The following TTLL5 variants were observed in gnomAD, a reference collection of about 807,000 sequenced individuals.
The protein encoded by TTLL5 is tubulin polyglutamylase TTLL5.
Under a neutral mutation model 168.4 loss-of-function variants are expected in TTLL5, and 132 were observed. The observed-to-expected ratio is 0.78, with a 90% CI of 0.68 to 0.91. The LOEUF (loss-of-function observed/expected upper bound fraction) is 0.91. Among genes scored for constraint, TTLL5 ranks in the 40% least tolerant of loss-of-function variants. The pLI is 0.00. For missense variants in TTLL5, 1,545 were observed against 1,581.5 expected, an observed-to-expected ratio of 0.98 and a Z score of 0.39; for synonymous variants, 546 against 558.6, an observed-to-expected ratio of 0.98 and a Z score of 0.32.
intron 28 of TTLL5, among the ~76,000 whole-genome samples, chr14:75,855,809 CACAT>C (rs1162465979): frequency 6.6e-6 from 1 of 152,216 alleles, no homozygotes; most frequent in Non-Finnish European, 1.5e-5. Flanking sequence ...CTACTTAAAA[CACAT>C]ACACACACAT....
At chr14:75,785,277 T>G (rs1405076001) in intron 26 of TTLL5, among the ~76,000 whole-genome samples, 2 of 151,388 alleles carry the variant, frequency 1.3e-5, no homozygotes, top group Non-Finnish European at 2.9e-5. Context: ...ACCTCCAGGT[T>G]CAAGCGATTC....
chr14:75,885,994 C>T (rs1430058126), intron 30 of TTLL5, among the ~76,000 whole-genome samples: 2 of 152,178 alleles, frequency 1.3e-5, no homozygotes, highest in Non-Finnish European at 2.9e-5. Flanking sequence ...GTGGCCTTTA[C>T]TCCGGCTCAG....
At chr14:75,850,484 G>A (rs1189389777) in intron 28 of TTLL5, among the ~76,000 whole-genome samples, 18 of 146,558 alleles carry the variant, frequency 1.2e-4, no homozygotes, top group Admixed American at 1.2e-3. Flanking sequence ...TGAGAATTAA[G>A]TTTCTGGGAC....
At chr14:75,848,209 G>A (rs1896659426) in intron 28 of TTLL5, among the ~76,000 whole-genome samples, 1 of 152,048 alleles carries the variant, frequency 6.6e-6, no homozygotes, top group Non-Finnish European at 1.5e-5. Flanking sequence ...CTGGGGAAAA[G>A]AGAAGTGAAG....
At chr14:75,814,008 A>G (rs1027720951) in intron 27 of TTLL5, among the ~76,000 whole-genome samples, 1 of 152,190 alleles carries the variant, frequency 6.6e-6, no homozygotes, top group Non-Finnish European at 1.5e-5. Flanking sequence ...ATATCCTAAT[A>G]TAGGTTGAGT....
Position 75,902,231 on chromosome 14 carries a change from G to A in TTLL5, c.3823+7G>A, listed in dbSNP as rs1227669490. 1.9e-6 allele frequency: 3 copies of A among 1,613,836 alleles called. No homozygotes were observed. Among genetic ancestry groups the A allele is most frequent in the Admixed American group, 1.7e-5 (1 of 59,998 alleles). ...CCCATCACCAGCTCTACAGGTTAGTGGGCACCAGCTCTTCTGCAACTGGAT... is the reference window on the plus strand; with the variant it reads ...CCCATCACCAGCTCTACAGGTTAGTAGGCACCAGCTCTTCTGCAACTGGAT... On this transcript the variant is annotated splice_region_variant and intron_variant, in intron 31 of 31. Transcript: ENST00000298832.
chr14:75,870,263 C>CT (rs60865248), intron 29 of TTLL5, among the ~76,000 whole-genome samples: 119,404 of 140,768 alleles, frequency 0.85, 50,551 homozygotes, highest in East Asian at 0.9. Flanking sequence ...TTACCTCAAT[C>CT]TTTTTTTTTT....
At chr14:75,895,106 A>G (rs1344280945) in intron 30 of TTLL5, among the ~76,000 whole-genome samples, 1 of 152,210 alleles carries the variant, frequency 6.6e-6, no homozygotes, top group African/African-American at 2.4e-5. Context: ...AATAGAAAAT[A>G]CATTTTAGGG....
chr14:75,939,800 A>G (rs1435413144), intron 31 of TTLL5, among the ~76,000 whole-genome samples: 1 of 152,208 alleles, frequency 6.6e-6, no homozygotes, highest in African/African-American at 2.4e-5. Flanking sequence ...TGCATCTGCT[A>G]CAGGAGGAAT....
rs182669585 is a variant in TTLL5 at position 75,922,760 on chromosome 14, G to T, written c.3823+20536G>T. On this transcript the variant is annotated intron_variant, in intron 31 of 31. Transcript: ENST00000298832. ...TGGCGTCATAAAATGAGTTAGGGAGGTTTCCCTGTTTTTCTATTGACTGGA... is the reference window on the plus strand; with the variant it reads ...TGGCGTCATAAAATGAGTTAGGGAGTTTTCCCTGTTTTTCTATTGACTGGA... 1.1e-3 allele frequency among the ~76,000 whole-genome samples: 164 copies of T among 152,266 alleles called. 1 individual carries two copies. The South Asian group carries it at 0.012, about 12-fold the overall frequency.
chr14:75,687,039 T>C (rs185112726), intron 5 of TTLL5, among the ~76,000 whole-genome samples: 171 of 152,344 alleles, frequency 1.1e-3, no homozygotes, highest in Non-Finnish European at 2.0e-3. Flanking sequence ...AGTCAAACTT[T>C]TTTGTTGTTG....
At position 75,919,197 on chromosome 14, in the gene TTLL5, CAAAAAAAAAAA is replaced by C. The variant is rs10655974; in HGVS notation, c.3823+16987_3823+16997del. On this transcript the variant is annotated intron_variant, in intron 31 of 31. Coordinates refer to ENST00000298832, the MANE Select transcript of TTLL5 (RefSeq NM_015072.5). ...GCCTGGCTCCAGAGCAAGACCGTCT[CAAAAAAAAAAA>C]AAAAAAAAAAAAAGGAAAAAGAAAA... 2.0e-3 allele frequency among the ~76,000 whole-genome samples: 110 copies of C among 56,114 alleles called. 2 individuals carry two copies. The highest frequency in any genetic ancestry group is 2.6e-3 in the Non-Finnish European group (85 of 32,536). The allele number at this position is 56,114 out of a possible 152,430, so 36.8% of individuals were successfully genotyped here. A position where few individuals can be genotyped will look rare whatever the true frequency, so the allele number is the denominator to read the frequency against.
At chr14:75,898,116 A>G (rs947755218) in intron 30 of TTLL5, among the ~76,000 whole-genome samples, 8 of 152,230 alleles carry the variant, frequency 5.3e-5, no homozygotes, top group Non-Finnish European at 4.4e-5. Context: ...ATTCTGGTGT[A>G]CTATGACCAG....
chr14:75,693,275 G>A (rs1042093666), intron 6 of TTLL5, among the ~76,000 whole-genome samples: 1 of 152,192 alleles, frequency 6.6e-6, no homozygotes, highest in Non-Finnish European at 1.5e-5. Flanking sequence ...CTAGGGATGG[G>A]TGGGTGTCTA....
intron 3 of TTLL5, among the ~76,000 whole-genome samples, chr14:75,677,319 C>T (rs1884238901): frequency 6.7e-6 from 1 of 150,220 alleles, no homozygotes; most frequent in African/African-American, 2.4e-5. Context: ...TTGAAGGCTA[C>T]AGGGAGGAAG....
At chr14:75,904,314 C>T (rs2033057113) in intron 31 of TTLL5, 1 of 962,090 alleles carries the variant, frequency 1.0e-6, no homozygotes, top group Non-Finnish European at 1.3e-6. Context: ...AGTAATGGCA[C>T]AAGGGAATCA....
chr14:75,913,503 C>T (rs1595256734), intron 31 of TTLL5, among the ~76,000 whole-genome samples: 1 of 152,088 alleles, frequency 6.6e-6, no homozygotes, highest in Non-Finnish European at 1.5e-5. Flanking sequence ...TCCAAGTGGA[C>T]TCTAAAACTC....
rs77768505 is a variant in TTLL5 at position 75,693,141 on chromosome 14, G to C, written c.502+2819G>C. Among the ~76,000 whole-genome samples the C allele has an allele frequency of 1.4e-3, 216 of 152,266 alleles. 1 individual carries two copies. Among genetic ancestry groups the C allele is most frequent in the African/African-American group, 4.8e-3 (200 of 41,538 alleles). On this transcript the variant is annotated intron_variant, in intron 6 of 31. Coordinates refer to ENST00000298832, the MANE Select transcript of TTLL5 (RefSeq NM_015072.5). ...CTCCTGAAAGAGGAGAAGGAAGAAG[G>C]CTAAGTTGATGACCCAGATAACATT...
At position 75,717,115 on chromosome 14, in the gene TTLL5, T is replaced by G. The variant is rs189965720; in HGVS notation, c.741-746T>G. Among the ~76,000 whole-genome samples the G allele has an allele frequency of 3.3e-3, 502 of 152,172 alleles. 2 individuals carry two copies. The highest frequency in any genetic ancestry group is 4.9e-3 in the Non-Finnish European group (333 of 67,992). On this transcript the variant is annotated intron_variant, in intron 9 of 31. Transcript: ENST00000298832. Reference sequence around the variant, plus strand: ...TTTTTTTTTTCATTGAATGCTATAGTACCAGGCACTGTGTGGGCACTCAGT... The same window carrying G: ...TTTTTTTTTTCATTGAATGCTATAGGACCAGGCACTGTGTGGGCACTCAGT...
Sources: allele counts gnomAD v4.1 joint callset (sites outside exome capture counted in the v4.1 genomes callset), GRCh38; gene constraint gnomAD v4.1.1; transcripts MANE v1.5; gene names NCBI Gene and HGNC (gene_info 2026-07-23, HGNC 2026-07-21).